Variants in GSG1L observed in about 807,000 individuals in gnomAD.
GSG1L encodes the protein GSG1 like.
In GSG1L, 24 loss-of-function variants were observed where a neutral mutation model predicts 42.1. The ratio of observed to expected loss-of-function variants is 0.57; its 90% CI spans 0.41 to 0.80. GSG1L has a LOEUF of 0.80. Among genes scored for constraint, GSG1L ranks in the 30% least tolerant of loss-of-function variants. GSG1L has a pLI of 0.00. For missense variants in GSG1L, 445 were observed against 472.2 expected, an observed-to-expected ratio of 0.94 and a Z score of 0.53; for synonymous variants, 215 against 203.5, an observed-to-expected ratio of 1.06 and a Z score of -0.48.
At chr16:27,812,368 T>C (rs1299076098) in intron 5 of GSG1L, among the ~76,000 whole-genome samples, 3 of 152,242 alleles carry the variant, frequency 2.0e-5, no homozygotes, top group African/African-American at 7.2e-5. Flanking sequence ...CAGGGGTTGG[T>C]GAACGTTTGC....
At chr16:27,910,566 C>T (rs2084376330) in intron 2 of GSG1L, among the ~76,000 whole-genome samples, 1 of 152,224 alleles carries the variant, frequency 6.6e-6, no homozygotes, top group Admixed American at 6.5e-5. Flanking sequence ...GGCCATGGAG[C>T]TTTCTAGTTC....
rs181239986 is a variant in GSG1L at position 27,955,264 on chromosome 16, A to T, written c.397+7892T>A. On this transcript the variant is annotated intron_variant, in intron 2 of 6. Coordinates refer to ENST00000447459, the MANE Select transcript of GSG1L (RefSeq NM_001109763.2). The stretch of plus-strand genomic sequence containing the variant: ...CATAAAACAAAAGCAGGAGACTATT[A>T]AAAAAAAGAACATTCCTATAACAAG... Among the ~76,000 whole-genome samples the T allele has an allele frequency of 2.4e-4, 36 of 152,126 alleles. No individual in the cohort carries two copies. The East Asian group carries it at 6.6e-3, about 28-fold the overall frequency.
Position 27,988,306 on chromosome 16 carries a change from G to T in GSG1L, c.350-25103C>A, listed in dbSNP as rs56280275. Among the ~76,000 whole-genome samples the T allele has an allele frequency of 4.1e-3, 598 of 146,918 alleles. 5 individuals are homozygous for T. The highest frequency in any genetic ancestry group is 8.1e-3 in the South Asian group (39 of 4,824). On this transcript the variant is annotated intron_variant, in intron 1 of 6. Coordinates refer to ENST00000447459, the MANE Select transcript of GSG1L (RefSeq NM_001109763.2). The stretch of plus-strand genomic sequence containing the variant: ...GAAATTATGGTAATTTAAACTACTA[G>T]ATATAAGAGAAACAATTCTATATAC...
intron 4 of GSG1L, among the ~76,000 whole-genome samples, chr16:27,837,313 G>T (rs1490254048): frequency 6.6e-6 from 1 of 152,094 alleles, no homozygotes; most frequent in Non-Finnish European, 1.5e-5. Flanking sequence ...ACCTCCACCT[G>T]GTCTCTCCCT....
intron 1 of GSG1L, among the ~76,000 whole-genome samples, chr16:28,030,065 C>T (rs2085941259): frequency 6.6e-6 from 1 of 152,212 alleles, no homozygotes; most frequent in South Asian, 2.1e-4. Flanking sequence ...CAGAAGGGAA[C>T]TGCTTGTAAA....
chr16:27,892,584 TGAAACCCCGTCTCTACTAAAAATACA>T (rs1255168023), intron 2 of GSG1L, among the ~76,000 whole-genome samples: 12 of 151,950 alleles, frequency 7.9e-5, no homozygotes, highest in Non-Finnish European at 1.2e-4. Flanking sequence ...GTCAACATGG[TGAAACCCCGTCTCTACTAAAAATACA>T]GAAACCCCGT....
chr16:27,800,322 C>G (rs866755988), intron 6 of GSG1L, among the ~76,000 whole-genome samples: 7 of 152,196 alleles, frequency 4.6e-5, no homozygotes, highest in South Asian at 4.1e-4. Flanking sequence ...TTGAGGGCAG[C>G]AGCAGTGGCA....
intron 3 of GSG1L, chr16:27,850,401 A>G (rs1332607989): frequency 4.8e-6 from 2 of 417,174 alleles, no homozygotes; most frequent in South Asian, 1.7e-5. Flanking sequence ...TTCAAGGAGT[A>G]GTCAGAACCG....
At chr16:27,845,360 C>G (rs2083431319) in intron 3 of GSG1L, among the ~76,000 whole-genome samples, 1 of 152,194 alleles carries the variant, frequency 6.6e-6, no homozygotes, top group Non-Finnish European at 1.5e-5. Flanking sequence ...TCCTAAGTAG[C>G]TGGGACTACA....
chr16:27,897,827 A>G (rs544228353), intron 2 of GSG1L, among the ~76,000 whole-genome samples: 1 of 152,270 alleles, frequency 6.6e-6, no homozygotes, highest in South Asian at 2.1e-4. Context: ...TTGGCTATAA[A>G]ACAGAGTCCA....
rs116392163 is a variant in GSG1L at position 28,012,735 on chromosome 16, A to T, written c.350-49532T>A. Among the ~76,000 whole-genome samples the T allele has an allele frequency of 9.8e-3, 1,492 of 152,166 alleles. 30 individuals are homozygous for T. Among genetic ancestry groups the T allele is most frequent in the African/African-American group, 0.034 (1,410 of 41,504 alleles). On this transcript the variant is annotated intron_variant, in intron 1 of 6. Coordinates refer to ENST00000447459, the MANE Select transcript of GSG1L (RefSeq NM_001109763.2). ...ACCGTGTCTCTATGAAAAAATTTTT[A>T]AAATAAATTAAAATTATCGAGGGTG...
chr16:27,987,734 G>A (rs1453822785), intron 1 of GSG1L, among the ~76,000 whole-genome samples: 6 of 152,122 alleles, frequency 3.9e-5, no homozygotes, highest in Non-Finnish European at 7.3e-5. Context: ...GGATCACGAG[G>A]TCAGGAAATC....
At chr16:27,920,543 A>C (rs1359238788) in intron 2 of GSG1L, among the ~76,000 whole-genome samples, 2 of 152,108 alleles carry the variant, frequency 1.3e-5, no homozygotes, top group Admixed American at 1.3e-4. Context: ...CCCGTTTGCT[A>C]TCTGATCTTG....
At chr16:28,044,613 G>A (rs1251839844) in intron 1 of GSG1L, among the ~76,000 whole-genome samples, 2 of 146,934 alleles carry the variant, frequency 1.4e-5, no homozygotes, top group Non-Finnish European at 3.0e-5. Context: ...AGACATGCAG[G>A]CAACGAATGC....
chr16:27,872,546 A>G (rs1419974590), intron 3 of GSG1L, among the ~76,000 whole-genome samples: 1 of 152,204 alleles, frequency 6.6e-6, no homozygotes, highest in Admixed American at 6.5e-5. Flanking sequence ...ACTGGGCTGC[A>G]TGTCCAGGAG....
At chr16:27,847,360 G>A (rs972593941) in intron 3 of GSG1L, among the ~76,000 whole-genome samples, 7 of 152,216 alleles carry the variant, frequency 4.6e-5, no homozygotes, top group African/African-American at 1.7e-4. Context: ...CAGGGAGCCA[G>A]AGCTGGGCTG....
rs189671721 is a variant in GSG1L, at chr16:27,911,089, C to A, written c.398-26451G>T. Among the ~76,000 whole-genome samples, 10 of 152,214 alleles carry A rather than the reference C, an allele frequency of 6.6e-5. No homozygotes were observed. The South Asian group carries it at 2.1e-3, about 32-fold the overall frequency. On this transcript the variant is annotated intron_variant, in intron 2 of 6. Transcript: ENST00000447459. ...TGAGCCCCAGTCAAGGGCTGGGGAC[C>A]TGGCACTCCCTGTAGTTCCTGCCCA...
chr16:28,021,500 C>T (rs2085842820), intron 1 of GSG1L, among the ~76,000 whole-genome samples: 1 of 152,212 alleles, frequency 6.6e-6, no homozygotes, highest in Non-Finnish European at 1.5e-5. Context: ...CTCTGGGCTC[C>T]AGGTTTTACC....
chr16:28,030,762 A>G (rs1475290729), intron 1 of GSG1L, among the ~76,000 whole-genome samples: 2 of 87,976 alleles, frequency 2.3e-5, no homozygotes, highest in East Asian at 7.6e-4. Flanking sequence ...ATGGAATGGG[A>G]TGGGATGGGA....
Sources: allele counts gnomAD v4.1 joint callset (sites outside exome capture counted in the v4.1 genomes callset), GRCh38; gene constraint gnomAD v4.1.1; transcripts MANE v1.5; gene names NCBI Gene and HGNC (gene_info 2026-07-23, HGNC 2026-07-21).